Variants in HDAC9 observed in about 807,000 individuals in gnomAD.
HDAC9 encodes histone deacetylase 9, also known as MEF-2 interacting transcription repressor (MITR) protein.
HDAC9 carries 41 observed loss-of-function variants against 139.4 expected under a neutral mutation model. The observed-to-expected ratio is 0.29, with a 90% CI of 0.23 to 0.38. HDAC9 has a LOEUF of 0.38. HDAC9 is among the 10% of genes least tolerant of loss of function. HDAC9 has a pLI of 1.00. For missense variants in HDAC9, 1,147 were observed against 1,297.0 expected, an observed-to-expected ratio of 0.88 and a Z score of 1.78; for synonymous variants, 517 against 476.2, an observed-to-expected ratio of 1.09 and a Z score of -1.12.
At chr7:18,784,760 A>G (rs962692355) in intron 16 of HDAC9, among the ~76,000 whole-genome samples, 1 of 152,126 alleles carries the variant, frequency 6.6e-6, no homozygotes, top group African/African-American at 2.4e-5. Context: ...ATAGTGAACA[A>G]TTAGAAGGGT....
At chr7:18,678,360 T>C (rs1279731386) in intron 12 of HDAC9, among the ~76,000 whole-genome samples, 2 of 151,924 alleles carry the variant, frequency 1.3e-5, no homozygotes, top group African/African-American at 4.8e-5. Context: ...ATCTGTGGGT[T>C]TGCACTTTTT....
chr7:18,477,278 T>C (rs867662499), intron 1 of HDAC9, among the ~76,000 whole-genome samples: 1 of 152,180 alleles, frequency 6.6e-6, no homozygotes, highest in African/African-American at 2.4e-5. Context: ...ACATGAATAT[T>C]AGGACAATAA....
chr7:18,764,408 A>G (rs539068297), intron 15 of HDAC9, among the ~76,000 whole-genome samples: 4 of 152,324 alleles, frequency 2.6e-5, no homozygotes, highest in African/African-American at 2.4e-5. Flanking sequence ...ACACAGAAAC[A>G]GGGATGTTGC....
At chr7:18,332,156 T>G (rs1186399864) in intron 1 of HDAC9, among the ~76,000 whole-genome samples, 2 of 151,758 alleles carry the variant, frequency 1.3e-5, no homozygotes, top group African/African-American at 4.8e-5. Flanking sequence ...CACAGATACT[T>G]AATAATTTCC....
At chr7:18,786,615 T>TTCATTCCTTCCC (rs1791797752) in intron 16 of HDAC9, among the ~76,000 whole-genome samples, 4 of 32,598 alleles carry the variant, frequency 1.2e-4, no homozygotes, top group Non-Finnish European at 2.5e-4. Context: ...CCTTCCTTCC[T>TTCATTCCTTCCC]TCCCTCCCTC....
intron 12 of HDAC9, among the ~76,000 whole-genome samples, chr7:18,697,122 T>C (rs1015056691): frequency 6.6e-6 from 1 of 152,104 alleles, no homozygotes; most frequent in Non-Finnish European, 1.5e-5. Context: ...TCCCAAATAC[T>C]TAACTTGGAA....
chr7:18,747,475 G>T (rs965681556), intron 13 of HDAC9, among the ~76,000 whole-genome samples: 1 of 152,212 alleles, frequency 6.6e-6, no homozygotes, highest in Non-Finnish European at 1.5e-5. Flanking sequence ...AAGGTTTCTC[G>T]TATGAACAAT....
At chr7:18,405,266 C>T (rs905064813) in intron 1 of HDAC9, among the ~76,000 whole-genome samples, 8 of 152,196 alleles carry the variant, frequency 5.3e-5, no homozygotes, top group African/African-American at 1.9e-4. Context: ...AACAGAGCTG[C>T]TTCAGACTAG....
At chr7:18,562,495 C>T (rs1291286898) in intron 2 of HDAC9, among the ~76,000 whole-genome samples, 3 of 152,120 alleles carry the variant, frequency 2.0e-5, no homozygotes, top group African/African-American at 7.2e-5. Flanking sequence ...GTTGTCCCAG[C>T]ACCATTTGTT....
At chr7:18,920,344 G>T (rs952474138) in intron 22 of HDAC9, among the ~76,000 whole-genome samples, 2 of 152,110 alleles carry the variant, frequency 1.3e-5, no homozygotes, top group African/African-American at 4.8e-5. Flanking sequence ...CATTGATTTT[G>T]TATCCTGAGA....
At chr7:18,357,426 A>G (rs1783405800) in intron 1 of HDAC9, among the ~76,000 whole-genome samples, 1 of 152,002 alleles carries the variant, frequency 6.6e-6, no homozygotes, top group Non-Finnish European at 1.5e-5. Flanking sequence ...ATTGCTTGCT[A>G]ATTGTGTGCT....
chr7:18,518,676 G>A (rs896502344), intron 2 of HDAC9, among the ~76,000 whole-genome samples: 2 of 152,160 alleles, frequency 1.3e-5, no homozygotes, highest in Admixed American at 6.5e-5. Context: ...CTCCATTAAA[G>A]CCGACTGCTG....
In HDAC9 at chr7:18,361,150, A is replaced by G. The variant is rs937272368; in HGVS notation, c.-42+70635A>G. On this transcript the variant is annotated intron_variant, in intron 1 of 3. Transcript: ENST00000413509. ...TCTACATACCATCCAACTATGAACA[A>G]TAATGTATTTTATAGACTATACTAA... Among the ~76,000 whole-genome samples, 3 of 152,166 alleles carry G rather than the reference A, an allele frequency of 2.0e-5. No individual in the cohort carries two copies. In the East Asian group the frequency reaches 5.8e-4, roughly 29 times the overall value.
At chr7:18,650,933 T>A (rs1238694604) in intron 11 of HDAC9, among the ~76,000 whole-genome samples, 1 of 152,178 alleles carries the variant, frequency 6.6e-6, no homozygotes, top group Non-Finnish European at 1.5e-5. Flanking sequence ...GTTGGCATAT[T>A]CACGTTGGGT....
intron 1 of HDAC9, among the ~76,000 whole-genome samples, chr7:18,379,573 A>T (rs1785259436): frequency 6.6e-6 from 1 of 152,212 alleles, no homozygotes; most frequent in Non-Finnish European, 1.5e-5. Flanking sequence ...TTGAACTCAC[A>T]CACAAACAAT....
chr7:18,466,261 A>G (rs1794269959), intron 1 of HDAC9, among the ~76,000 whole-genome samples: 1 of 152,048 alleles, frequency 6.6e-6, no homozygotes, highest in African/African-American at 2.4e-5. Context: ...CAGTGGCGTG[A>G]TTTCAGCTCA....
chr7:18,742,532 C>A (rs1428109145), intron 13 of HDAC9, among the ~76,000 whole-genome samples: 1 of 152,132 alleles, frequency 6.6e-6, no homozygotes, highest in Non-Finnish European at 1.5e-5. Flanking sequence ...ATGTGACTTG[C>A]TTTATTGTGA....
intron 22 of HDAC9, among the ~76,000 whole-genome samples, chr7:18,913,396 A>C (rs1802907817): frequency 6.6e-6 from 1 of 152,120 alleles, no homozygotes; most frequent in South Asian, 2.1e-4. Context: ...TGATTATTTA[A>C]TACTTAAGGA....
At chr7:18,395,970 AT>A (rs1786990759) in intron 1 of HDAC9, among the ~76,000 whole-genome samples, 1 of 152,078 alleles carries the variant, frequency 6.6e-6, no homozygotes, top group Non-Finnish European at 1.5e-5. Context: ...AAATTATAAT[AT>A]TTTGAAATTA....
Sources: allele counts gnomAD v4.1 joint callset (sites outside exome capture counted in the v4.1 genomes callset), GRCh38; gene constraint gnomAD v4.1.1; transcripts MANE v1.5; gene names NCBI Gene and HGNC (gene_info 2026-07-23, HGNC 2026-07-21).